The following PRAM1 variants were observed in gnomAD, a reference collection of about 807,000 sequenced individuals.
PRAM1 encodes PML-RARA regulated adaptor molecule 1.
A neutral mutation model predicts 55.3 loss-of-function variants in PRAM1; 41 were observed. The observed-to-expected ratio is 0.74, with a 90% CI of 0.58 to 0.96. The LOEUF is 0.96. PRAM1 is among the 40% of genes least tolerant of loss of function. The pLI is 0.00. For missense variants in PRAM1, 898 were observed against 892.7 expected, an observed-to-expected ratio of 1.01 and a Z score of -0.08; for synonymous variants, 401 against 387.1, an observed-to-expected ratio of 1.04 and a Z score of -0.42.
Position 8,490,173 on chromosome 19 carries a change from C to T in PRAM1, c.*16G>A, listed in dbSNP as rs1200193286. ...CGCTGGGCTGGCTGGCTGTCCTGGC[C>T]CCACGCCTACCGGTCTTACCGTCCC... On this transcript the variant is annotated 3_prime_UTR_variant, in exon 10 of 10. Coordinates refer to ENST00000423345, the MANE Select transcript of PRAM1 (RefSeq NM_032152.5). The surrounding 1 kb of genome is among the most constrained non-coding windows in gnomAD (Gnocchi z 7.3). The T allele has an allele frequency of 1.3e-6, 2 of 1,555,128 alleles. No homozygotes were observed. The highest frequency in any genetic ancestry group is 3.7e-5 in the Admixed American group (2 of 54,616).
rs953408110 is a variant in PRAM1, at chr19:8,490,577, G to A, written c.1906+17C>T. 1 of 1,589,212 alleles carries A rather than the reference G, an allele frequency of 6.3e-7. No homozygotes were observed. Among genetic ancestry groups the A allele is most frequent in the South Asian group, 1.1e-5 (1 of 88,130 alleles). ...GCGGCGGGGACCTCCCGGGGCTGCG[G>A]GGCCGGGCGCACTCACATTTGCCTT... On this transcript the variant is annotated intron_variant, in intron 7 of 9. Transcript: ENST00000423345. The surrounding 1 kb of genome is among the most constrained non-coding windows in gnomAD (Gnocchi z 7.3).
At chr19:8,496,390 G>A (rs1971699453) in intron 4 of PRAM1, among the ~76,000 whole-genome samples, 1 of 151,766 alleles carries the variant, frequency 6.6e-6, no homozygotes, top group Non-Finnish European at 1.5e-5. Flanking sequence ...CTCCAGCCTG[G>A]GCGATAACAG....
At position 8,499,291 on chromosome 19, in the gene PRAM1, G is replaced by A; in HGVS notation, c.517C>T (p.Leu173Phe). ...GAGGGGGGTCTGGCGGGGTGACTGAGTTCGTCGGGCTGCAGGGGTTTCCGG... is the reference window on the plus strand; with the variant it reads ...GAGGGGGGTCTGGCGGGGTGACTGAATTCGTCGGGCTGCAGGGGTTTCCGG... ...PARKPLQPDE[L>F]SHPARPPSEP... Residue 173 changes from leucine (L) to phenylalanine (F), a missense_variant, in exon 2 of 10, where the codon CTC (leucine) becomes TTC (phenylalanine). Physicochemically the swap from Leu to Phe is conservative, Grantham distance 22. Transcript: ENST00000423345. 6.2e-7 allele frequency: 1 copy of A among 1,609,318 alleles called. No individual in the cohort carries two copies. The highest frequency in any genetic ancestry group is 8.5e-7 in the Non-Finnish European group (1 of 1,177,706).
Position 8,490,454 on chromosome 19 carries a change from C to T in PRAM1, c.1940+22G>A, listed in dbSNP as rs1258544439. On this transcript the variant is annotated intron_variant, in intron 8 of 9. Transcript: ENST00000423345. This position sits in a 1 kb window ranked among gnomAD's most constrained non-coding sequence, Gnocchi z 7.3. ...CACCACACACCCCGCACTCCCCCAC[C>T]ACGGTCAGGGCTGGCACTCACAGGG... 2 of 1,613,110 alleles carry T rather than the reference C, an allele frequency of 1.2e-6. No individual in the cohort carries two copies. Among genetic ancestry groups the T allele is most frequent in the Non-Finnish European group, 1.7e-6 (2 of 1,179,662 alleles).
chr19:8,491,211 C>T (rs1971625336), intron 4 of PRAM1, 54 bp from the exon 5 acceptor site: 1 of 1,538,456 alleles, frequency 6.5e-7, no homozygotes, highest in Admixed American at 1.8e-5. Flanking sequence ...TCAGCCTTTA[C>T]CCTGGTAGCT....
chr19:8,498,180 G>A (rs764936649), intron 3 of PRAM1, 43 bp downstream of exon 3: 22 of 1,588,068 alleles, frequency 1.4e-5, no homozygotes, highest in Middle Eastern at 2.2e-4. Context: ...GCCTCTTTGA[G>A]CCCCACAATC....
rs536093055 is a variant in PRAM1 at position 8,496,681 on chromosome 19, C to T, written c.1576+1083G>A. Among the ~76,000 whole-genome samples, 85 of 152,200 alleles carry T rather than the reference C, an allele frequency of 5.6e-4. No individual in the cohort carries two copies. In the South Asian group the frequency reaches 0.013, roughly 23 times the overall value. The stretch of plus-strand genomic sequence containing the variant: ...CAGAGGTTGCAGTTAGCCAAGATCA[C>T]GGCACTGCACTCCAGTCTGGGCAAC... On this transcript the variant is annotated intron_variant, in intron 4 of 9. Coordinates refer to ENST00000423345, the MANE Select transcript of PRAM1 (RefSeq NM_032152.5).
At chr19:8,496,739 A>G (rs530802448) in intron 4 of PRAM1, among the ~76,000 whole-genome samples, 1 of 151,278 alleles carries the variant, frequency 6.6e-6, no homozygotes, top group African/African-American at 2.4e-5. Flanking sequence ...AAAAAAACGA[A>G]TACATAAATA....
chr19:8,490,515 G>A lies in PRAM1; in HGVS notation c.1907-6C>T. ...TGTTCTGGGCACGTAGCCATCTGTGGAGAGAGTGGGCATGGTGGGTTCTGA... is the reference window on the plus strand; with the variant it reads ...TGTTCTGGGCACGTAGCCATCTGTGAAGAGAGTGGGCATGGTGGGTTCTGA... On this transcript the variant is annotated splice_polypyrimidine_tract_variant and splice_region_variant and intron_variant, in intron 7 of 9. Transcript: ENST00000423345. The surrounding 1 kb of genome is among the most constrained non-coding windows in gnomAD (Gnocchi z 7.3). The A allele has an allele frequency of 6.2e-7, 1 of 1,609,678 alleles. No individual in the cohort carries two copies. Among genetic ancestry groups the A allele is most frequent in the Non-Finnish European group, 8.5e-7 (1 of 1,178,500 alleles).
In PRAM1 at chr19:8,490,322, C is replaced by A. The variant is rs372208360; in HGVS notation, c.1975+16G>T. The stretch of plus-strand genomic sequence containing the variant: ...ATCGCCAGGGTCCCTCCAGCCCTCC[C>A]AGAGTGTCCACGTACCGCAGAAGTC... On this transcript the variant is annotated intron_variant, in intron 9 of 9. Coordinates refer to ENST00000423345, the MANE Select transcript of PRAM1 (RefSeq NM_032152.5). This position sits in a 1 kb window ranked among gnomAD's most constrained non-coding sequence, Gnocchi z 7.3. The A allele has an allele frequency of 1.7e-5, 27 of 1,613,994 alleles. No homozygotes were observed. In the East Asian group the frequency reaches 6.0e-4, roughly 36 times the overall value.
Position 8,498,705 on chromosome 19 carries a change from C to T in PRAM1, c.1103G>A (p.Arg368Lys), listed in dbSNP as rs1369731042. Residue 368 changes from arginine to lysine, a missense_variant, in exon 2 of 10, where the codon AGA (arginine) becomes AAA (lysine). Physicochemically the swap from Arg to Lys is conservative, Grantham distance 26. This residue lies in a region of PRAM1 where 787 missense variants were observed against 735.4 expected (regional missense o/e 1.07). Transcript: ENST00000423345. ...ACCGAAGAACTCAGGCTGCGGGTGT[C>T]TCTTGAGGACAGCGCTGGGCTCAGG... ...SQPEPSAVLK[R>K]HPQPEFFGDL... 3 of 1,598,124 alleles carry T rather than the reference C, an allele frequency of 1.9e-6. No homozygotes were observed. In the African/African-American group the frequency reaches 4.0e-5, roughly 22 times the overall value.
chr19:8,499,762 G>C lies in PRAM1; in HGVS notation c.46C>G (p.Arg16Gly), dbSNP rs747964549. Reference sequence around the variant, plus strand: ...GCCTGGAACTTTGCTTTGATGCTCCGGAAGTCCTGATGGCTCTCCTAGGAG... The same window carrying C: ...GCCTGGAACTTTGCTTTGATGCTCCCGAAGTCCTGATGGCTCTCCTAGGAG... ...PAAMESHQDF[R>G]SIKAKFQASQ... The change falls in exon 2 of 10, where the codon CGG becomes GGG. Residue 16 changes from arginine (R) to glycine (G), a missense_variant. Coordinates refer to ENST00000423345, the MANE Select transcript of PRAM1 (RefSeq NM_032152.5). 1 of 1,606,706 alleles carries C rather than the reference G, an allele frequency of 6.2e-7. No individual in the cohort carries two copies. The highest frequency in any genetic ancestry group is 8.5e-7 in the Non-Finnish European group (1 of 1,176,688).
chr19:8,501,800 T>C (rs1050660773), intron 1 of PRAM1, among the ~76,000 whole-genome samples: 1 of 152,194 alleles, frequency 6.6e-6, no homozygotes, highest in African/African-American at 2.4e-5. Flanking sequence ...TGACAGTGCC[T>C]GAGAGGATTG....
At position 8,498,510 on chromosome 19, in the gene PRAM1, A is replaced by C. The variant is rs1196425390; in HGVS notation, c.1298T>G (p.Leu433Arg). 1.2e-6 allele frequency: 2 copies of C among 1,600,500 alleles called. No individual in the cohort carries two copies. Among genetic ancestry groups the C allele is most frequent in the South Asian group, 1.1e-5 (1 of 89,942 alleles). The change falls in exon 2 of 10, where the codon CTC (leucine) becomes CGC (arginine). Residue 433 changes from leucine (L) to arginine (R), a missense_variant. Physicochemically the swap from Leu to Arg is moderately radical, Grantham distance 102 (BLOSUM62 -2). Coordinates refer to ENST00000423345, the MANE Select transcript of PRAM1 (RefSeq NM_032152.5). ...LVHSGGARPG[L>R]RPSHPPRRRP... ...CCGCCGGGGTGGATGGCTGGGTCTGAGGCCTGGCCTGGCCCCTCCACTGTG... is the reference window on the plus strand; with the variant it reads ...CCGCCGGGGTGGATGGCTGGGTCTGCGGCCTGGCCTGGCCCCTCCACTGTG...
At chr19:8,500,202 G>A (rs1446056316) in intron 1 of PRAM1, among the ~76,000 whole-genome samples, 2 of 149,736 alleles carry the variant, frequency 1.3e-5, no homozygotes, top group African/African-American at 4.9e-5. Flanking sequence ...CAACTCCTGG[G>A]CTCCAATGAT....
intron 1 of PRAM1, 108 bp downstream of exon 1, chr19:8,502,457 A>ACCCCCCCCCCCCCCCCCCCCCCCCCCCCC: frequency 1.3e-5 from 6 of 469,352 alleles, no homozygotes; most frequent in South Asian, 1.8e-5. Context: ...TTTCGCAGCC[A>ACCCCCCCCCCCCCCCCCCCCCCCCCCCCC]CCCCCCGCCC....
Position 8,499,300 on chromosome 19 carries a change from G to A in PRAM1, c.508C>T (p.Pro170Ser), listed in dbSNP as rs781213839. Residue 170 changes from proline (P) to serine (S), a missense_variant, in exon 2 of 10, where the codon CCC becomes TCC. By Grantham distance (74) the Pro-to-Ser change is moderately conservative (BLOSUM62 -1). Coordinates refer to ENST00000423345, the MANE Select transcript of PRAM1 (RefSeq NM_032152.5). ...CTGGCGGGGTGACTGAGTTCGTCGG[G>A]CTGCAGGGGTTTCCGGGCCGGCGCA... ...PGAPARKPLQPDELSHPARPP... is the reference protein window; with the variant it reads ...PGAPARKPLQSDELSHPARPP... 1.9e-6 allele frequency: 3 copies of A among 1,609,934 alleles called. No homozygotes were observed. Among genetic ancestry groups the A allele is most frequent in the Non-Finnish European group, 2.5e-6 (3 of 1,178,114 alleles).
chr19:8,499,066 C>T lies in PRAM1; in HGVS notation c.742G>A (p.Glu248Lys), dbSNP rs768282181. ...TTCCAGAGGGGAGTCTGAGCGGCCT[C>T]GCTGAACTCAGGCTGCGGCACGGAC... Reference protein sequence around the residue: ...KKSVPQPEFSEAAQTPLWKPQ... With the variant: ...KKSVPQPEFSKAAQTPLWKPQ... The change falls in exon 2 of 10, where the codon GAG (glutamate) becomes AAG (lysine). Residue 248 changes from glutamate to lysine, a missense_variant. Around this residue, in one of 4 missense-constraint regions of PRAM1, gnomAD observed 787 missense variants for 735.4 expected, o/e 1.07. Transcript: ENST00000423345. 3.0e-5 allele frequency: 49 copies of T among 1,613,544 alleles called. No homozygotes were observed. Among genetic ancestry groups the T allele is most frequent in the Non-Finnish European group, 4.0e-5 (47 of 1,179,848 alleles).
chr19:8,496,877 T>A (rs1249369905), intron 4 of PRAM1, among the ~76,000 whole-genome samples: 1 of 150,636 alleles, frequency 6.6e-6, no homozygotes, highest in Admixed American at 6.6e-5. Flanking sequence ...TACAAAAAAA[T>A]TAGCTGGGCG....
Sources: allele counts gnomAD v4.1 joint callset (sites outside exome capture counted in the v4.1 genomes callset), GRCh38; gene constraint gnomAD v4.1.1; regional missense constraint gnomAD v4.1.1; non-coding constraint Gnocchi (gnomAD v3.1); transcripts MANE v1.5; gene names NCBI Gene and HGNC (gene_info 2026-07-23, HGNC 2026-07-21).